PTPRD: variants seen among roughly 807,000 people sequenced by gnomAD.
PTPRD encodes receptor-type tyrosine-protein phosphatase delta.
Under a neutral mutation model 214.5 loss-of-function variants are expected in PTPRD, and 34 were observed. That is an observed-to-expected ratio of 0.16 (90% CI 0.12 to 0.21). The LOEUF is 0.21. PTPRD is among the 10% of genes least tolerant of loss of function. PTPRD has a pLI of 1.00. For synonymous variants in PTPRD, 1,128 were observed against 845.7 expected (o/e 1.33, Z -5.79); for missense variants, 2,545 against 2,398.7 (o/e 1.06, Z -1.27).
At chr9:10,026,148 A>G (rs143226939) in intron 4 of PTPRD, among the ~76,000 whole-genome samples, 35 of 152,334 alleles carry the variant, frequency 2.3e-4, no homozygotes, top group African/African-American at 7.9e-4. Context: ...GTCCAAGCCA[A>G]TGCCAGTTAA....
At chr9:9,812,572 A>T (rs2047469691) in intron 5 of PTPRD, among the ~76,000 whole-genome samples, 1 of 148,064 alleles carries the variant, frequency 6.8e-6, no homozygotes, top group African/African-American at 2.6e-5. Context: ...TCACAAAAAA[A>T]GTCACTATAT....
At position 9,331,068 on chromosome 9, in the gene PTPRD, A is replaced by G. The variant is rs149100922; in HGVS notation, c.-203+66381T>C. 1.9e-3 allele frequency among the ~76,000 whole-genome samples: 288 copies of G among 152,170 alleles called. 3 individuals are homozygous for G. Among genetic ancestry groups the G allele is most frequent in the African/African-American group, 6.6e-3 (276 of 41,544 alleles). On this transcript the variant is annotated intron_variant, in intron 9 of 45. Transcript: ENST00000381196. ...TCAGATAAGAGTCTAAGCAAACATG[A>G]AGACCTGCAGTTGGGCTGAAATACA...
At chr9:8,692,762 G>T (rs775280604) in intron 12 of PTPRD, among the ~76,000 whole-genome samples, 1 of 151,828 alleles carries the variant, frequency 6.6e-6, no homozygotes, top group Non-Finnish European at 1.5e-5. Flanking sequence ...TTCCACAAAA[G>T]ATTATTTTCC....
chr9:9,777,179 C>G (rs2098804981), intron 5 of PTPRD, among the ~76,000 whole-genome samples: 1 of 152,124 alleles, frequency 6.6e-6, no homozygotes, highest in Non-Finnish European at 1.5e-5. Flanking sequence ...TCAGATGTTC[C>G]TCAATAAAAT....
intron 7 of PTPRD, among the ~76,000 whole-genome samples, chr9:9,665,047 G>A (rs568972340): frequency 4.6e-5 from 7 of 151,578 alleles, no homozygotes. Context: ...CTCTTCATAT[G>A]TGTATATTTG....
At chr9:8,637,736 T>C (rs578045119) in intron 12 of PTPRD, among the ~76,000 whole-genome samples, 35 of 152,314 alleles carry the variant, frequency 2.3e-4, no homozygotes, top group Non-Finnish European at 3.5e-4. Flanking sequence ...CAAAAGAGTA[T>C]AAGTAGTTGA....
At chr9:9,378,787 G>A (rs1185112964) in intron 9 of PTPRD, among the ~76,000 whole-genome samples, 1 of 151,956 alleles carries the variant, frequency 6.6e-6, no homozygotes, top group Non-Finnish European at 1.5e-5. Flanking sequence ...CTTTTCATAT[G>A]CTTAATTGCC....
intron 5 of PTPRD, among the ~76,000 whole-genome samples, chr9:9,914,575 G>C (rs1248212127): frequency 2.0e-5 from 3 of 152,204 alleles, no homozygotes; most frequent in Non-Finnish European, 4.4e-5. Flanking sequence ...AGCCAGGCTG[G>C]CTGAACAGCT....
chr9:10,226,307 G>A (rs1564640020), intron 3 of PTPRD, among the ~76,000 whole-genome samples: 2 of 152,086 alleles, frequency 1.3e-5, no homozygotes, highest in African/African-American at 4.8e-5. Context: ...ACACTGTGGA[G>A]CTCATGTCCA....
At chr9:10,421,280 T>G (rs2098543294) in intron 2 of PTPRD, among the ~76,000 whole-genome samples, 2 of 151,776 alleles carry the variant, frequency 1.3e-5, no homozygotes, top group Non-Finnish European at 2.9e-5. Context: ...TTACCTATAT[T>G]TTCTTCTCTT....
intron 5 of PTPRD, among the ~76,000 whole-genome samples, chr9:9,861,599 T>A (rs1192935729): frequency 6.6e-6 from 1 of 152,196 alleles, no homozygotes; most frequent in African/African-American, 2.4e-5. Flanking sequence ...GAAATAGTTA[T>A]TTTTTATCAA....
chr9:9,900,345 C>A (rs575412536), intron 5 of PTPRD, among the ~76,000 whole-genome samples: 29 of 152,326 alleles, frequency 1.9e-4, no homozygotes, highest in African/African-American at 6.5e-4. Flanking sequence ...GCTAAATAAT[C>A]ACCCTTAAGT....
At chr9:9,908,629 C>T (rs1226110715) in intron 5 of PTPRD, among the ~76,000 whole-genome samples, 10 of 151,930 alleles carry the variant, frequency 6.6e-5, no homozygotes, top group Admixed American at 6.6e-4. Flanking sequence ...GTTGTCTATG[C>T]AGTCTTTAAA....
intron 5 of PTPRD, among the ~76,000 whole-genome samples, chr9:9,796,877 G>C (rs1011841418): frequency 1.3e-5 from 2 of 152,102 alleles, no homozygotes; most frequent in African/African-American, 2.4e-5. Flanking sequence ...AACTTGATGA[G>C]TTTGGAGAGA....
intron 4 of PTPRD, among the ~76,000 whole-genome samples, chr9:10,015,038 T>C (rs1486299282): frequency 1.3e-5 from 2 of 152,082 alleles, no homozygotes. Flanking sequence ...GTAATCCACT[T>C]GAAGTAATTT....
chr9:10,352,510 T>C (rs1330299738), intron 2 of PTPRD, among the ~76,000 whole-genome samples: 4 of 152,050 alleles, frequency 2.6e-5, no homozygotes, highest in Admixed American at 6.6e-5. Context: ...GCAGTTGAGG[T>C]CTTGCATATG....
intron 11 of PTPRD, among the ~76,000 whole-genome samples, chr9:8,746,862 T>C (rs1009842608): frequency 6.6e-6 from 1 of 152,130 alleles, no homozygotes; most frequent in Non-Finnish European, 1.5e-5. Context: ...CTGTTGGATA[T>C]GGGTCTCACA....
intron 7 of PTPRD, among the ~76,000 whole-genome samples, chr9:9,595,550 TTG>T (rs58995675): frequency 0.46 from 67,043 of 147,142 alleles, 16,327 homozygotes; most frequent in East Asian, 0.76. Flanking sequence ...GTATGTGTGT[TTG>T]TGTGTGTGTG....
intron 2 of PTPRD, among the ~76,000 whole-genome samples, chr9:10,376,547 G>A (rs1291689895): frequency 1.3e-5 from 2 of 151,628 alleles, no homozygotes; most frequent in Admixed American, 6.6e-5. Flanking sequence ...CAGTTGATTG[G>A]AGGAAAGCAA....
Sources: gnomAD v4.1 joint callset for allele counts (sites outside exome capture counted in the v4.1 genomes callset) on GRCh38, gnomAD v4.1.1 for gene constraint, MANE v1.5 for transcripts, NCBI Gene and HGNC (gene_info 2026-07-23, HGNC 2026-07-21) for gene names.